Variants in CCDC122 observed in about 807,000 individuals in gnomAD.
The protein encoded by CCDC122 is coiled-coil domain-containing protein 122.
Under a neutral mutation model 37.0 loss-of-function variants are expected in CCDC122, and 38 were observed. That is an observed-to-expected ratio of 1.03 (90% CI 0.79 to 1.35). The LOEUF (loss-of-function observed/expected upper bound fraction) is 1.35, where lower values mean the gene tolerates loss of function less well. CCDC122 is among the 40% of genes most tolerant of loss of function. CCDC122 has a pLI of 0.00. For synonymous variants in CCDC122, 83 were observed against 95.6 expected (o/e 0.87, Z 0.77); for missense variants, 305 against 310.0 (o/e 0.98, Z 0.12).
chr13:43,841,255 G>C (rs1038144735), intron 6 of CCDC122, among the ~76,000 whole-genome samples: 8 of 152,258 alleles, frequency 5.3e-5, no homozygotes, highest in African/African-American at 1.4e-4. Flanking sequence ...TAAACACCTA[G>C]GTGGAGAATT....
chr13:43,837,439 G>A lies in CCDC122; in HGVS notation c.673-10C>T. ...ACCTCTTATGTTGTACCTATCAAAA[G>A]AAGAGCACACATCAACAGGGCTTGT... On this transcript the variant is annotated splice_polypyrimidine_tract_variant and intron_variant, in intron 6 of 6. Coordinates refer to ENST00000444614, the MANE Select transcript of CCDC122 (RefSeq NM_144974.5). 6.2e-7 allele frequency: 1 copy of A among 1,607,060 alleles called. No individual in the cohort carries two copies. The highest frequency in any genetic ancestry group is 8.5e-7 in the Non-Finnish European group (1 of 1,177,556).
At chr13:43,877,259 A>G (rs1057312975) in intron 1 of CCDC122, among the ~76,000 whole-genome samples, 1 of 152,196 alleles carries the variant, frequency 6.6e-6, no homozygotes, top group African/African-American at 2.4e-5. Context: ...CAGAATTCCA[A>G]TCAGTAGACT....
chr13:43,859,867 T>C lies in CCDC122; in HGVS notation c.360A>G (p.Glu120=), dbSNP rs1954050622. 6.2e-7 allele frequency: 1 copy of C among 1,605,102 alleles called. No individual in the cohort carries two copies. The highest frequency in any genetic ancestry group is 8.5e-7 in the Non-Finnish European group (1 of 1,176,740). The change falls in exon 5 of 7, where the codon GAA becomes GAG. Residue 120 remains glutamate, a synonymous_variant. Coordinates refer to ENST00000444614, the MANE Select transcript of CCDC122 (RefSeq NM_144974.5). ...AATATGCATTATATTTTATCATGTGTTCCTCAAAATCTTCTTGGGCTGTTT... is the reference window on the plus strand; with the variant it reads ...AATATGCATTATATTTTATCATGTGCTCCTCAAAATCTTCTTGGGCTGTTT... ...DIETAQEDFE[E]HMIKYNAYYA... is the part of the protein sequence containing the mutation.
At chr13:43,872,908 TC>T (rs748944844) in intron 2 of CCDC122, among the ~76,000 whole-genome samples, 7 of 152,148 alleles carry the variant, frequency 4.6e-5, no homozygotes, top group Non-Finnish European at 8.8e-5. Context: ...CTCTCCTCTT[TC>T]TTCTTGAACC....
At chr13:43,859,205 T>C (rs1184567422) in intron 5 of CCDC122, among the ~76,000 whole-genome samples, 1 of 152,118 alleles carries the variant, frequency 6.6e-6, no homozygotes, top group African/African-American at 2.4e-5. Flanking sequence ...ATGATCAATA[T>C]TTTAAGTTTG....
At chr13:43,829,126 T>C (rs1953065263) in intron 3 of CCDC122, among the ~76,000 whole-genome samples, 1 of 152,190 alleles carries the variant, frequency 6.6e-6, no homozygotes. Context: ...CTATAAATTT[T>C]CTCTAAATAT....
At chr13:43,870,780 T>C (rs1047898426) in intron 2 of CCDC122, among the ~76,000 whole-genome samples, 2 of 152,120 alleles carry the variant, frequency 1.3e-5, no homozygotes, top group African/African-American at 2.4e-5. Context: ...CAATGTAAGA[T>C]ATGTGATTTG....
rs1953191323 is a variant in CCDC122, at chr13:43,837,153, A to T, written c.*127T>A. On this transcript the variant is annotated 3_prime_UTR_variant, in exon 7 of 7. Transcript: ENST00000444614. ...GATTTAAAAAAAACAACAACCGAAG[A>T]CATCTGTCATTAAGACAGGTCTCTA... 2.3e-6 allele frequency: 2 copies of T among 883,880 alleles called. No individual in the cohort carries two copies. Among genetic ancestry groups the T allele is most frequent in the Non-Finnish European group, 3.4e-6 (2 of 586,412 alleles). The allele number at this position is 883,880 out of a possible 1,614,324, so 54.8% of individuals were successfully genotyped here.
chr13:43,825,197 T>C (rs1186731727), intron 3 of CCDC122, among the ~76,000 whole-genome samples: 1 of 152,196 alleles, frequency 6.6e-6, no homozygotes, highest in East Asian at 1.9e-4. Context: ...GTGGTACATA[T>C]ACACCATGGA....
At chr13:43,863,675 TTGTGTG>T (rs55637761) in intron 4 of CCDC122, among the ~76,000 whole-genome samples, 435 of 149,222 alleles carry the variant, frequency 2.9e-3, no homozygotes, top group African/African-American at 8.6e-3. Context: ...TTCTAGTGGG[TTGTGTG>T]TGTGTGTGTG....
At chr13:43,869,933 G>C (rs1262102730) in intron 2 of CCDC122, among the ~76,000 whole-genome samples, 1 of 152,070 alleles carries the variant, frequency 6.6e-6, no homozygotes, top group Non-Finnish European at 1.5e-5. Flanking sequence ...CTATTCTGGA[G>C]AGGGCAGGCC....
chr13:43,860,021 G>T lies in CCDC122; in HGVS notation c.206C>A (p.Thr69Asn). ...EKEIAAISAETKETERQIYQQ... is the reference protein window; with the variant it reads ...EKEIAAISAENKETERQIYQQ... ...ATAAATTTGTCTTTCTGTTTCTTTA[G>T]TTTCTGCAGAGATAGCTGCTATTTC... The change falls in exon 5 of 7, where the codon ACT becomes AAT. Residue 69 changes from threonine to asparagine, a missense_variant. Transcript: ENST00000444614. 6.4e-7 allele frequency: 1 copy of T among 1,574,064 alleles called. No homozygotes were observed. The highest frequency in any genetic ancestry group is 8.6e-7 in the Non-Finnish European group (1 of 1,160,802).
downstream of CCDC122, among the ~76,000 whole-genome samples, chr13:43,820,966 T>TCAAC (rs1952988860): frequency 6.6e-6 from 1 of 152,244 alleles, no homozygotes; most frequent in Non-Finnish European, 1.5e-5. Flanking sequence ...TAGAACAATG[T>TCAAC]TTGATATCAA....
chr13:43,854,948 A>G (rs772140829), intron 6 of CCDC122: 2 of 152,192 alleles, frequency 1.3e-5, no homozygotes, highest in African/African-American at 2.4e-5. Flanking sequence ...AAAACTCTCA[A>G]TAAACTAAGT....
rs546814539 is a variant in CCDC122 at position 43,861,619 on chromosome 13, T to C, written c.157-1549A>G. Among the ~76,000 whole-genome samples, 106 of 152,204 alleles carry C rather than the reference T, an allele frequency of 7.0e-4. 1 individual carries two copies. The highest frequency in any genetic ancestry group is 1.4e-3 in the Non-Finnish European group (96 of 68,030). ...AGTAAATTTGTAATGTTAGAGGGCA[T>C]TGTTTTAAAAAATGCAAACTTCCTT... On this transcript the variant is annotated intron_variant, in intron 4 of 6. Transcript: ENST00000444614.
chr13:43,871,160 T>G (rs1954437798), intron 2 of CCDC122, among the ~76,000 whole-genome samples: 1 of 152,140 alleles, frequency 6.6e-6, no homozygotes, highest in Non-Finnish European at 1.5e-5. Context: ...GTCCACTATA[T>G]TTTGTATTCC....
At chr13:43,838,219 T>C (rs1953226694) in intron 6 of CCDC122, among the ~76,000 whole-genome samples, 1 of 152,216 alleles carries the variant, frequency 6.6e-6, no homozygotes, top group African/African-American at 2.4e-5. Flanking sequence ...AAGTTTTATA[T>C]TTATCAAATT....
intron 3 of CCDC122, chr13:43,824,088 A>G (rs1272455503): frequency 3.9e-5 from 6 of 152,180 alleles, no homozygotes; most frequent in African/African-American, 1.4e-4. Context: ...TTTCATGCCA[A>G]CGGAATCTCT....
At chr13:43,846,701 G>A (rs1463845938) in intron 6 of CCDC122, among the ~76,000 whole-genome samples, 1 of 152,158 alleles carries the variant, frequency 6.6e-6, no homozygotes, top group Non-Finnish European at 1.5e-5. Context: ...TCTCTACTCA[G>A]CTTATAAGCA....
Sources: allele counts gnomAD v4.1 joint callset (sites outside exome capture counted in the v4.1 genomes callset), GRCh38; gene constraint gnomAD v4.1.1; transcripts MANE v1.5; gene names NCBI Gene and HGNC (gene_info 2026-07-23, HGNC 2026-07-21).